Variants in PLAC1 observed in about 807,000 individuals in gnomAD.
The protein encoded by PLAC1 is placenta associated 1.
For missense variants in PLAC1, 136 were observed against 163.2 expected (o/e 0.83, Z 0.91); for synonymous variants, 68 against 62.1 (o/e 1.09, Z -0.44).
chrX:134,597,019 A>C (rs1216983062), intron 2 of PLAC1, among the ~76,000 whole-genome samples: 1 of 111,235 alleles, frequency 9.0e-6, no homozygotes, highest in Non-Finnish European at 1.9e-5. Context: ...AGATTCTCTA[A>C]GCTTTTTGAA....
At chrX:134,578,489 G>A (rs1191275563) in intron 2 of PLAC1, among the ~76,000 whole-genome samples, 3 of 103,195 alleles carry the variant, frequency 2.9e-5, no homozygotes, top group African/African-American at 1.0e-4. Context: ...TGGGGGTGGG[G>A]CAGTGGAAAT....
chrX:134,676,275 C>T (rs1192942650), intron 2 of PLAC1, among the ~76,000 whole-genome samples: 1 of 111,192 alleles, frequency 9.0e-6, no homozygotes, highest in Non-Finnish European at 1.9e-5. Flanking sequence ...TGGGGGCTGG[C>T]GGGAATAGGG....
Position 134,746,448 on chromosome X carries a change from C to G in PLAC1, n.90-12929G>C, listed in dbSNP as rs144386904. Among the ~76,000 whole-genome samples, 1,055 of 111,680 alleles carry G rather than the reference C, an allele frequency of 9.4e-3. 15 individuals carry two copies. The highest frequency in any genetic ancestry group is 0.033 in the African/African-American group (1,006 of 30,716). ...TTAACATCAAGGACTTTAGAAACAT[C>G]TTGGTAAAGGCAGATGTAGAGGCTA... On this transcript the variant is annotated intron_variant and non_coding_transcript_variant, in intron 1 of 2. Transcript: ENST00000466797.
intron 1 of PLAC1, among the ~76,000 whole-genome samples, chrX:134,643,627 GA>G (rs1190225719): frequency 3.6e-5 from 4 of 111,422 alleles, no homozygotes; most frequent in Admixed American, 2.9e-4. Context: ...CATAATAAAG[GA>G]AAAGATAATA....
intron 1 of PLAC1, among the ~76,000 whole-genome samples, chrX:134,654,087 C>T (rs1262876836): frequency 9.0e-6 from 1 of 111,687 alleles, no homozygotes; most frequent in East Asian, 2.8e-4. Flanking sequence ...GAAATGTGAC[C>T]CCAACGATTG....
intron 1 of PLAC1, among the ~76,000 whole-genome samples, chrX:134,655,654 A>T (rs2078387687): frequency 9.0e-6 from 1 of 111,611 alleles, no homozygotes; most frequent in Non-Finnish European, 1.9e-5. Context: ...CATGCTCCTA[A>T]TTTTTGTGTG....
intron 1 of PLAC1, among the ~76,000 whole-genome samples, chrX:134,753,820 C>T (rs1447951256): frequency 8.9e-6 from 1 of 111,921 alleles, no homozygotes; most frequent in Admixed American, 9.5e-5. Flanking sequence ...CTCAGATCCA[C>T]ACTGACATCT....
Position 134,566,494 on chromosome X carries a change from TGGGGGGCAACCCA to T in PLAC1, c.176_188del (p.Leu59GlnfsTer48). 8.3e-7 allele frequency: 1 copy of T among 1,211,830 alleles called. No individual in the cohort carries two copies. The highest frequency in any genetic ancestry group is 1.1e-6 in the Non-Finnish European group (1 of 895,384). ...GGTAGGCGTGTGGCTGAACATGGTT[TGGGGGGCAACCCA>T]GGCCCAAGTGTAGTTCATGAAAGTG... On this transcript the variant is annotated frameshift_variant, in exon 3 of 3. Coordinates refer to ENST00000359237, the MANE Select transcript of PLAC1 (RefSeq NM_021796.4). LOFTEE classifies it low-confidence loss of function (END_TRUNC).
At position 134,639,729 on chromosome X, in the gene PLAC1, T is replaced by A. The variant is rs747031682; in HGVS notation, c.-131+18599A>T. ...TAAAACCTCTTACCCATTAAGCAGATTCTTCTCATTTCTCCCAGACTCTGG... is the reference window on the plus strand; with the variant it reads ...TAAAACCTCTTACCCATTAAGCAGAATCTTCTCATTTCTCCCAGACTCTGG... On this transcript the variant is annotated intron_variant, in intron 1 of 2. Transcript: ENST00000359237. Among the ~76,000 whole-genome samples, 3 of 111,809 alleles carry A rather than the reference T, an allele frequency of 2.7e-5. No homozygotes were observed. In the East Asian group the frequency reaches 8.4e-4, roughly 31 times the overall value.
chrX:134,748,342 A>AC (rs2078733849), intron 1 of PLAC1, among the ~76,000 whole-genome samples: 1 of 110,023 alleles, frequency 9.1e-6, no homozygotes, highest in African/African-American at 3.3e-5. Context: ...AAAAAAAAAA[A>AC]AAAAAAGTAC....
intron 2 of PLAC1, among the ~76,000 whole-genome samples, chrX:134,584,433 C>T (rs1025916698): frequency 1.3e-4 from 14 of 111,888 alleles, no homozygotes; most frequent in Non-Finnish European, 5.6e-5. Flanking sequence ...CCATTTAACA[C>T]AGGTAAGCAA....
At chrX:134,655,590 T>A (rs12862353) in intron 1 of PLAC1, among the ~76,000 whole-genome samples, 1 of 111,767 alleles carries the variant, frequency 8.9e-6, no homozygotes, top group Non-Finnish European at 1.9e-5. Flanking sequence ...AAAACCAAGG[T>A]TTGTGTATTG....
intron 1 of PLAC1, among the ~76,000 whole-genome samples, chrX:134,629,497 C>T (rs1167555689): frequency 9.0e-6 from 1 of 111,321 alleles, no homozygotes; most frequent in Non-Finnish European, 1.9e-5. Context: ...ATATTTGTCT[C>T]TTTCAGTTCC....
intron 2 of PLAC1, among the ~76,000 whole-genome samples, chrX:134,719,284 C>T (rs1482640717): frequency 1.8e-5 from 2 of 112,117 alleles, no homozygotes; most frequent in Non-Finnish European, 3.8e-5. Flanking sequence ...CAACAAAATA[C>T]TACTAAACTG....
intron 2 of PLAC1, among the ~76,000 whole-genome samples, chrX:134,698,131 A>G (rs1445014053): frequency 1.8e-5 from 2 of 111,435 alleles, no homozygotes; most frequent in African/African-American, 6.5e-5. Flanking sequence ...CTCTCTATAG[A>G]CATTTATTTC....
At chrX:134,753,262 G>T (rs2078748859) in intron 1 of PLAC1, among the ~76,000 whole-genome samples, 1 of 110,915 alleles carries the variant, frequency 9.0e-6, no homozygotes, top group African/African-American at 3.3e-5. Flanking sequence ...ATTGTGTTTT[G>T]GTAAAATGAG....
At chrX:134,683,464 T>G (rs932484412) in intron 2 of PLAC1, among the ~76,000 whole-genome samples, 2 of 112,148 alleles carry the variant, frequency 1.8e-5, no homozygotes, top group African/African-American at 3.2e-5. Context: ...GCTCTCACTG[T>G]GTGATGGCAC....
At chrX:134,738,986 G>C (rs747039874) in intron 1 of PLAC1, among the ~76,000 whole-genome samples, 7 of 112,559 alleles carry the variant, frequency 6.2e-5, no homozygotes, top group African/African-American at 2.3e-4. Flanking sequence ...TCTATATGAG[G>C]AATTCTGGCT....
chrX:134,566,725 C>G lies in PLAC1; in HGVS notation c.-43G>C. 1 of 1,064,775 alleles carries G rather than the reference C, an allele frequency of 9.4e-7. No individual in the cohort carries two copies. The highest frequency in any genetic ancestry group is 1.3e-6 in the Non-Finnish European group (1 of 791,293). The allele number at this position is 1,064,775 out of a possible 1,213,427, so 87.7% of individuals were successfully genotyped here. A position where few individuals can be genotyped will look rare whatever the true frequency, so the allele number is the denominator to read the frequency against. ...TAATGAACCACAGGAAACAGGAAGC[C>G]GTCCAGTGAGGATTTCTAGAGCACA... On this transcript the variant is annotated 5_prime_UTR_variant, in exon 3 of 3. Coordinates refer to ENST00000359237, the MANE Select transcript of PLAC1 (RefSeq NM_021796.4).
Sources: allele counts gnomAD v4.1 joint callset (sites outside exome capture counted in the v4.1 genomes callset), GRCh38; gene constraint gnomAD v4.1.1; transcripts MANE v1.5; gene names NCBI Gene and HGNC (gene_info 2026-07-23, HGNC 2026-07-21).